The following SLC8A2 variants were observed in gnomAD, a reference collection of about 807,000 sequenced individuals.
The protein encoded by SLC8A2 is solute carrier family 8 member A2.
A neutral mutation model predicts 70.2 loss-of-function variants in SLC8A2; 14 were observed. The ratio of observed to expected loss-of-function variants is 0.20; its 90% CI spans 0.13 to 0.31. SLC8A2 has a LOEUF of 0.31. Ranked by LOEUF, SLC8A2 falls within the 10% of genes least tolerant of loss-of-function variation. The pLI is 1.00. For missense variants in SLC8A2, 779 were observed against 1,320.1 expected (o/e 0.59, Z 6.35); for synonymous variants, 575 against 594.3 (o/e 0.97, Z 0.47).
At chr19:47,431,617 A>G (rs979200416) in intron 9 of SLC8A2, among the ~76,000 whole-genome samples, 2 of 144,206 alleles carry the variant, frequency 1.4e-5, no homozygotes, top group African/African-American at 2.6e-5. Context: ...AGATCACTGC[A>G]CTCCAGCCTG....
rs751583243 is a variant in SLC8A2 at position 47,432,041 on chromosome 19, G to A, written c.2389+126C>T. 38 of 886,794 alleles carry A rather than the reference G, an allele frequency of 4.3e-5. No homozygotes were observed. The African/African-American group carries it at 5.3e-4, about 12-fold the overall frequency. 54.9% of individuals were successfully genotyped at this position (886,794 alleles called of 1,614,324 possible). A position where few individuals can be genotyped will look rare whatever the true frequency, so the allele number is the denominator to read the frequency against. ...CTGGCTTCTATTATGCCCCACCTCC[G>A]TATTTCTCTGAGACCCACCACATGG... On this transcript the variant is annotated intron_variant, in intron 9 of 9. Transcript: ENST00000236877. The surrounding 1 kb of genome is among the most constrained non-coding windows in gnomAD (Gnocchi z 6.2).
chr19:47,456,687 A>T (rs540788339), intron 3 of SLC8A2, among the ~76,000 whole-genome samples: 73 of 152,334 alleles, frequency 4.8e-4, no homozygotes, highest in Non-Finnish European at 6.6e-4. Flanking sequence ...ACCCAGAGGT[A>T]GATAATGAAG....
Position 47,432,751 on chromosome 19 carries a change from G to A in SLC8A2, c.2111-306C>T, listed in dbSNP as rs1966981070. The stretch of plus-strand genomic sequence containing the variant: ...TAGAATCCCTTGGAGCTAGGGGCAT[G>A]ACTGAGTCCAGGTAAAAAAATTTTA... On this transcript the variant is annotated intron_variant, in intron 8 of 9. Coordinates refer to ENST00000236877, the MANE Select transcript of SLC8A2 (RefSeq NM_015063.3). The surrounding 1 kb of genome is among the most constrained non-coding windows in gnomAD (Gnocchi z 6.2). 1.3e-5 allele frequency among the ~76,000 whole-genome samples: 2 copies of A among 152,006 alleles called. No individual in the cohort carries two copies. Among genetic ancestry groups the A allele is most frequent in the Non-Finnish European group, 2.9e-5 (2 of 68,002 alleles).
At position 47,430,885 on chromosome 19, in the gene SLC8A2, G is replaced by A. The variant is rs1481053372; in HGVS notation, c.2390-420C>T. On this transcript the variant is annotated intron_variant, in intron 9 of 9. Transcript: ENST00000236877. The surrounding 1 kb of genome is among the most constrained non-coding windows in gnomAD (Gnocchi z 5.9). The stretch of plus-strand genomic sequence containing the variant: ...GGATTACAGGCGCCCACCACGCCCT[G>A]CTAAGATTTTGTGTTTTTAGTAGAG... Among the ~76,000 whole-genome samples, 1 of 152,054 alleles carries A rather than the reference G, an allele frequency of 6.6e-6. No individual in the cohort carries two copies. Among genetic ancestry groups the A allele is most frequent in the Non-Finnish European group, 1.5e-5 (1 of 68,006 alleles).
rs1467379958 is a variant in SLC8A2, at chr19:47,465,392, A to G, written c.675+337T>C. The stretch of plus-strand genomic sequence containing the variant: ...TCACAGGGGCTCCGTTAGTACATAC[A>G]ACACCCTTTTGGGAGCTAAAAGGTG... On this transcript the variant is annotated intron_variant, in intron 2 of 9. Transcript: ENST00000236877. This position sits in a 1 kb window ranked among gnomAD's most constrained non-coding sequence, Gnocchi z 5.5. Among the ~76,000 whole-genome samples, 1 of 152,228 alleles carries G rather than the reference A, an allele frequency of 6.6e-6. No homozygotes were observed.
intron 3 of SLC8A2, among the ~76,000 whole-genome samples, chr19:47,453,767 C>A (rs1432869827): frequency 4.6e-5 from 7 of 152,066 alleles, no homozygotes; most frequent in South Asian, 4.1e-4. Flanking sequence ...ACAACAACAA[C>A]AAAAACAATT....
intron 3 of SLC8A2, among the ~76,000 whole-genome samples, chr19:47,449,503 T>C (rs1967209845): frequency 6.6e-6 from 1 of 152,098 alleles, no homozygotes; most frequent in Non-Finnish European, 1.5e-5. Context: ...GTGTACTTTT[T>C]TGTAGAGACA....
intron 7 of SLC8A2, 132 bp downstream of exon 7, chr19:47,437,717 G>T: frequency 8.3e-7 from 1 of 1,203,978 alleles, no homozygotes; most frequent in Non-Finnish European, 1.2e-6. Flanking sequence ...GGAGGCATGT[G>T]CTGTCCGTGG....
At chr19:47,439,514 C>T (rs1003908042) in intron 6 of SLC8A2, among the ~76,000 whole-genome samples, 3 of 152,048 alleles carry the variant, frequency 2.0e-5, no homozygotes, top group African/African-American at 7.2e-5. Context: ...GCTTGGGCAA[C>T]GAGAGCAAAA....
Position 47,447,380 on chromosome 19 carries a change from C to T in SLC8A2, c.1763+429G>A. 1 of 235,136 alleles carries T rather than the reference C, an allele frequency of 4.3e-6. No individual in the cohort carries two copies. Among genetic ancestry groups the T allele is most frequent in the East Asian group, 1.5e-4 (1 of 6,832 alleles). 14.6% of individuals were successfully genotyped at this position (235,136 alleles called of 1,614,324 possible). A position where few individuals can be genotyped will look rare whatever the true frequency, so the allele number is the denominator to read the frequency against. On this transcript the variant is annotated intron_variant, in intron 4 of 9. Transcript: ENST00000236877. This position sits in a 1 kb window ranked among gnomAD's most constrained non-coding sequence, Gnocchi z 5.1. ...GCCCCACACCGCTCTCCCCAGGCCCCGTCCCATCTCTCCTCACCTCGTCCC... is the reference window on the plus strand; with the variant it reads ...GCCCCACACCGCTCTCCCCAGGCCCTGTCCCATCTCTCCTCACCTCGTCCC...
In SLC8A2 at chr19:47,447,753, A is replaced by T; in HGVS notation, c.1763+56T>A. ...CCAGGCCCCGCCCCTGAGCCACATCAGGCCTCGCCCATTCCGAAGCCCCGC... is the reference window on the plus strand; with the variant it reads ...CCAGGCCCCGCCCCTGAGCCACATCTGGCCTCGCCCATTCCGAAGCCCCGC... On this transcript the variant is annotated intron_variant, in intron 4 of 9. Coordinates refer to ENST00000236877, the MANE Select transcript of SLC8A2 (RefSeq NM_015063.3). This position sits in a 1 kb window ranked among gnomAD's most constrained non-coding sequence, Gnocchi z 5.1. 6.7e-7 allele frequency: 1 copy of T among 1,481,562 alleles called. No homozygotes were observed. Among genetic ancestry groups the T allele is most frequent in the Non-Finnish European group, 8.9e-7 (1 of 1,121,026 alleles). The allele number at this position is 1,481,562 out of a possible 1,614,324, so 91.8% of individuals were successfully genotyped here.
intron 1 of SLC8A2, among the ~76,000 whole-genome samples, chr19:47,470,662 G>C (rs1307610573): frequency 2.6e-5 from 4 of 152,208 alleles, no homozygotes; most frequent in Admixed American, 2.6e-4. Context: ...TCAAGAGCTG[G>C]ACAAACAGCA....
At position 47,456,817 on chromosome 19, in the gene SLC8A2, A is replaced by G. The variant is rs1441128642; in HGVS notation, c.1340+113T>C. 4 of 1,067,754 alleles carry G rather than the reference A, an allele frequency of 3.7e-6. No individual in the cohort carries two copies. The African/African-American group carries it at 6.6e-5, about 18-fold the overall frequency. 66.1% of individuals were successfully genotyped at this position (1,067,754 alleles called of 1,614,324 possible). ...CAGGAATGAATGAATGAACAAATGA[A>G]CCAATGAATCCTGCAGGAGTCAGTT... is the stretch of plus-strand genomic sequence containing the variant. On this transcript the variant is annotated intron_variant, in intron 3 of 9. Coordinates refer to ENST00000236877, the MANE Select transcript of SLC8A2 (RefSeq NM_015063.3).
chr19:47,435,237 G>T (rs572849076), intron 8 of SLC8A2, among the ~76,000 whole-genome samples: 1 of 152,050 alleles, frequency 6.6e-6, no homozygotes, highest in Admixed American at 6.6e-5. Flanking sequence ...ACATGATAGG[G>T]TCACCGTTGT....
At chr19:47,452,898 C>T (rs1241216526) in intron 3 of SLC8A2, among the ~76,000 whole-genome samples, 2 of 151,864 alleles carry the variant, frequency 1.3e-5, no homozygotes, top group Non-Finnish European at 1.5e-5. Flanking sequence ...CCAGGTGTGG[C>T]GGTGCACACC....
At position 47,468,287 on chromosome 19, in the gene SLC8A2, G is replaced by A. The variant is rs537772298; in HGVS notation, c.-16-1868C>T. ...TGGCACCTGCTGTTCCCCCTTCCTC[G>A]AACACGCTTCTCTATTTATGTATTT... is the stretch of plus-strand genomic sequence containing the variant. On this transcript the variant is annotated intron_variant, in intron 1 of 9. Coordinates refer to ENST00000236877, the MANE Select transcript of SLC8A2 (RefSeq NM_015063.3). This position sits in a 1 kb window ranked among gnomAD's most constrained non-coding sequence, Gnocchi z 5.1. Among the ~76,000 whole-genome samples, 4 of 151,982 alleles carry A rather than the reference G, an allele frequency of 2.6e-5. No individual in the cohort carries two copies. Among genetic ancestry groups the A allele is most frequent in the East Asian group, 1.9e-4 (1 of 5,162 alleles).
At chr19:47,470,167 A>G (rs1199079968) in intron 1 of SLC8A2, among the ~76,000 whole-genome samples, 1 of 152,188 alleles carries the variant, frequency 6.6e-6, no homozygotes, top group East Asian at 1.9e-4. Flanking sequence ...AAAATGGTCC[A>G]GTGTGGGGAT....
chr19:47,451,003 A>C (rs1027246008), intron 3 of SLC8A2, among the ~76,000 whole-genome samples: 5 of 133,318 alleles, frequency 3.8e-5, no homozygotes, highest in Non-Finnish European at 6.2e-5. Flanking sequence ...TTGTAGCACT[A>C]TCTTTTTTTT....
At chr19:47,440,753 G>A (rs760809218) in intron 6 of SLC8A2, among the ~76,000 whole-genome samples, 77 of 152,076 alleles carry the variant, frequency 5.1e-4, no homozygotes, top group Non-Finnish European at 7.6e-4. Flanking sequence ...CATCAGGCCC[G>A]GCTAATTTTG....
Sources: allele counts gnomAD v4.1 joint callset (sites outside exome capture counted in the v4.1 genomes callset), GRCh38; gene constraint gnomAD v4.1.1; non-coding constraint Gnocchi (gnomAD v3.1); transcripts MANE v1.5; gene names NCBI Gene and HGNC (gene_info 2026-07-23, HGNC 2026-07-21).